The following CNTN5 variants were observed in gnomAD, a reference collection of about 807,000 sequenced individuals.
CNTN5 encodes contactin-5.
Under a neutral mutation model 129.1 loss-of-function variants are expected in CNTN5, and 77 were observed. The ratio of observed to expected loss-of-function variants is 0.60; its 90% CI spans 0.50 to 0.72. The LOEUF (loss-of-function observed/expected upper bound fraction) is 0.72. Ranked by LOEUF, CNTN5 falls within the 30% of genes least tolerant of loss-of-function variation. The pLI is 0.00. For missense variants in CNTN5, 1,478 were observed against 1,328.8 expected, an observed-to-expected ratio of 1.11 and a Z score of -1.75; for synonymous variants, 509 against 465.6, an observed-to-expected ratio of 1.09 and a Z score of -1.20.
intron 3 of CNTN5, among the ~76,000 whole-genome samples, chr11:99,704,148 AC>A (rs1954653226): frequency 6.6e-6 from 1 of 150,512 alleles, no homozygotes; most frequent in South Asian, 2.1e-4. Flanking sequence ...CCAGTGACTG[AC>A]CCCATTCATA....
intron 15 of CNTN5, among the ~76,000 whole-genome samples, chr11:100,205,566 G>GC (rs2138568905): frequency 6.6e-6 from 1 of 152,078 alleles, no homozygotes; most frequent in South Asian, 2.1e-4. Context: ...AATAATTGAA[G>GC]CCTCTATTGA....
At chr11:99,229,050 T>C (rs1178117787) in intron 1 of CNTN5, among the ~76,000 whole-genome samples, 1 of 152,034 alleles carries the variant, frequency 6.6e-6, no homozygotes, top group African/African-American at 2.4e-5. Context: ...ATGGATTGTA[T>C]GTATTTTTTG....
intron 13 of CNTN5, among the ~76,000 whole-genome samples, chr11:100,152,157 T>C (rs994905887): frequency 2.6e-5 from 4 of 152,198 alleles, no homozygotes; most frequent in African/African-American, 9.6e-5. Flanking sequence ...TTGTGACTTC[T>C]ACAGCGACTC....
At chr11:99,385,620 C>T (rs1418404975) in intron 2 of CNTN5, among the ~76,000 whole-genome samples, 2 of 152,138 alleles carry the variant, frequency 1.3e-5, no homozygotes, top group Non-Finnish European at 2.9e-5. Flanking sequence ...TAATGCAGAA[C>T]TCTTGTATTT....
At chr11:100,170,159 C>A (rs1165868723) in intron 13 of CNTN5, among the ~76,000 whole-genome samples, 1 of 151,938 alleles carries the variant, frequency 6.6e-6, no homozygotes, top group African/African-American at 2.4e-5. Context: ...CAGTAATAGC[C>A]ACTTTTAACA....
intron 1 of CNTN5, among the ~76,000 whole-genome samples, chr11:99,182,416 C>T (rs1858123221): frequency 6.6e-6 from 1 of 151,950 alleles, no homozygotes; most frequent in Admixed American, 6.6e-5. Context: ...AAAGATTCCT[C>T]TGGGGATTAG....
intron 1 of CNTN5, among the ~76,000 whole-genome samples, chr11:99,096,004 G>A (rs2135334057): frequency 6.6e-6 from 1 of 151,870 alleles, no homozygotes; most frequent in East Asian, 1.9e-4. Flanking sequence ...TATTCAAACA[G>A]CATCAATATT....
intron 21 of CNTN5, among the ~76,000 whole-genome samples, chr11:100,338,845 G>A (rs2139008404): frequency 6.6e-6 from 1 of 152,130 alleles, no homozygotes; most frequent in African/African-American, 2.4e-5. Flanking sequence ...TGCTCTCTTA[G>A]CTCTGCTGTC....
intron 3 of CNTN5, among the ~76,000 whole-genome samples, chr11:99,617,236 C>T (rs190192675): frequency 2.4e-4 from 37 of 152,264 alleles, no homozygotes; most frequent in African/African-American, 8.2e-4. Flanking sequence ...CTGAGAACCA[C>T]GTAGCATGAT....
chr11:100,067,476 A>AATT (rs1324407337), intron 10 of CNTN5, among the ~76,000 whole-genome samples: 58 of 147,628 alleles, frequency 3.9e-4, no homozygotes, highest in African/African-American at 1.4e-3. Context: ...CCATTTCAGG[A>AATT]TTTTTTTTTT....
chr11:99,292,167 A>G (rs1421179821), intron 1 of CNTN5, among the ~76,000 whole-genome samples: 1 of 151,794 alleles, frequency 6.6e-6, no homozygotes, highest in Non-Finnish European at 1.5e-5. Flanking sequence ...AGAATAATGT[A>G]TATATTGATG....
At chr11:100,039,295 C>T (rs35899856) in intron 9 of CNTN5, among the ~76,000 whole-genome samples, 9,705 of 152,158 alleles carry the variant, frequency 0.064, 439 homozygotes, top group East Asian at 0.19. Flanking sequence ...TGAATATTGG[C>T]CCCCACTCTC....
chr11:99,184,126 T>C (rs1014831702), intron 1 of CNTN5, among the ~76,000 whole-genome samples: 4 of 152,126 alleles, frequency 2.6e-5, no homozygotes, highest in Non-Finnish European at 4.4e-5. Flanking sequence ...TTCTAATTCA[T>C]TCTACTTCCA....
At chr11:99,067,529 G>A (rs1425258409) in intron 1 of CNTN5, among the ~76,000 whole-genome samples, 2 of 152,034 alleles carry the variant, frequency 1.3e-5, no homozygotes, top group Non-Finnish European at 2.9e-5. Flanking sequence ...TGTGTGGCAC[G>A]AAGAGATATG....
At chr11:100,007,399 C>G (rs368998823) in intron 9 of CNTN5, among the ~76,000 whole-genome samples, 3 of 152,086 alleles carry the variant, frequency 2.0e-5, no homozygotes, top group African/African-American at 7.2e-5. Flanking sequence ...GCTGTTTTGT[C>G]TACATTGAAA....
intron 3 of CNTN5, among the ~76,000 whole-genome samples, chr11:99,599,687 G>A (rs1250563730): frequency 1.3e-5 from 2 of 152,046 alleles, no homozygotes; most frequent in Non-Finnish European, 2.9e-5. Flanking sequence ...TTGTGCAAAT[G>A]TTCCTCAAAA....
At position 99,252,491 on chromosome 11, in the gene CNTN5, G is replaced by GA. The variant is rs1212127143; in HGVS notation, c.-209-72843dup. Among the ~76,000 whole-genome samples, 244 of 124,650 alleles carry GA rather than the reference G, an allele frequency of 2.0e-3. 1 individual carries two copies. Among genetic ancestry groups the GA allele is most frequent in the Non-Finnish European group, 2.5e-3 (146 of 57,334 alleles). 81.8% of individuals were successfully genotyped at this position (124,650 alleles called of 152,430 possible). ...TAAATTCCAAACCCAAATGGCTTAG[G>GA]AAAAAAAAAAAAGAAAAAAACATCT... On this transcript the variant is annotated intron_variant, in intron 1 of 24. Transcript: ENST00000524871.
intron 13 of CNTN5, among the ~76,000 whole-genome samples, chr11:100,078,773 G>A (rs1320147445): frequency 6.6e-6 from 1 of 152,106 alleles, no homozygotes; most frequent in Admixed American, 6.6e-5. Flanking sequence ...TGAATGTTAT[G>A]TATAATGATA....
intron 3 of CNTN5, among the ~76,000 whole-genome samples, chr11:99,716,363 A>T (rs765287343): frequency 1.2e-4 from 18 of 151,928 alleles, no homozygotes; most frequent in Non-Finnish European, 2.4e-4. Context: ...TATTGAAGCA[A>T]CCTCTCTTGG....
Sources: allele counts gnomAD v4.1 joint callset (sites outside exome capture counted in the v4.1 genomes callset), GRCh38; gene constraint gnomAD v4.1.1; transcripts MANE v1.5; gene names NCBI Gene and HGNC (gene_info 2026-07-23, HGNC 2026-07-21).